SLC36A4: variants seen among roughly 807,000 people sequenced by gnomAD.
The protein encoded by SLC36A4 is neutral amino acid uniporter 4.
In SLC36A4, 49 loss-of-function variants were observed where a neutral mutation model predicts 50.5. That is an observed-to-expected ratio of 0.97 (90% CI 0.77 to 1.23). The LOEUF is 1.23. SLC36A4 is among the 50% of genes most tolerant of loss of function. The pLI is 0.00. For synonymous variants in SLC36A4, 207 were observed against 206.5 expected, an observed-to-expected ratio of 1.00 and a Z score of -0.02; for missense variants, 611 against 608.4, an observed-to-expected ratio of 1.00 and a Z score of -0.05.
At chr11:93,173,605 T>C (rs1382845740) in intron 6 of SLC36A4, among the ~76,000 whole-genome samples, 1 of 46,756 alleles carries the variant, frequency 2.1e-5, no homozygotes, top group East Asian at 7.5e-4. Flanking sequence ...CTTTAATCCA[T>C]CTTGAATTGA....
chr11:93,180,304 C>A, intron 6 of SLC36A4: 1 of 985,248 alleles, frequency 1.0e-6, no homozygotes, highest in Non-Finnish European at 1.2e-6. Flanking sequence ...TTAAAGCAAA[C>A]CTTCATAATA....
At chr11:93,193,077 G>T in intron 1 of SLC36A4, 1 of 795,780 alleles carries the variant, frequency 1.3e-6, no homozygotes, top group Non-Finnish European at 1.5e-6. Flanking sequence ...CCATATATTA[G>T]AAGCATATTA....
At chr11:93,182,259 A>G (rs927433663) in intron 4 of SLC36A4, 2 of 868,052 alleles carry the variant, frequency 2.3e-6, no homozygotes, top group Non-Finnish European at 2.8e-6. Flanking sequence ...TCCCAAGTAT[A>G]CATTGTTCTA....
chr11:93,150,871 C>T lies in SLC36A4; in HGVS notation c.1208-2027G>A, dbSNP rs116914492. 5.1e-3 allele frequency among the ~76,000 whole-genome samples: 770 copies of T among 152,030 alleles called. 3 individuals are homozygous for T. Among genetic ancestry groups the T allele is most frequent in the Non-Finnish European group, 8.5e-3 (579 of 67,922 alleles). ...CAGACAAATATGACCAGAATCTTGC[C>T]ACCTGAAGAGGCTTTCAATTTGGAA... On this transcript the variant is annotated intron_variant, in intron 10 of 10. Coordinates refer to ENST00000326402, the MANE Select transcript of SLC36A4 (RefSeq NM_152313.4).
At position 93,148,501 on chromosome 11, in the gene SLC36A4, TG is replaced by T. The variant is rs565897169; in HGVS notation, c.*35del. On this transcript the variant is annotated 3_prime_UTR_variant, in exon 11 of 11. Transcript: ENST00000326402. ...TAGTTATCTTGATAATTTTCAGAAATGGGACAAAAATAGAAGACTCATGATT... is the reference window on the plus strand; with the variant it reads ...TAGTTATCTTGATAATTTTCAGAAATGGACAAAAATAGAAGACTCATGATT... 1,167 of 1,556,384 alleles carry T rather than the reference TG, an allele frequency of 7.5e-4. 10 individuals carry two copies. The African/African-American group carries it at 0.014, about 19-fold the overall frequency.
chr11:93,177,391 G>A (rs1183157333), intron 6 of SLC36A4, among the ~76,000 whole-genome samples: 3 of 152,096 alleles, frequency 2.0e-5, no homozygotes, highest in Non-Finnish European at 2.9e-5. Context: ...CGAAGGGTTC[G>A]AACATCCTCC....
At chr11:93,171,664 T>C (rs1861140084) in intron 6 of SLC36A4, 1 of 152,060 alleles carries the variant, frequency 6.6e-6, no homozygotes, top group Non-Finnish European at 1.5e-5. Flanking sequence ...GGTATTCAAA[T>C]AGATACAGTA....
intron 1 of SLC36A4, among the ~76,000 whole-genome samples, chr11:93,190,872 C>T (rs2134711108): frequency 6.6e-6 from 1 of 152,240 alleles, no homozygotes; most frequent in South Asian, 2.1e-4. Flanking sequence ...CTAAGACTTT[C>T]CCTCCAGTTT....
At chr11:93,189,467 T>C (rs1327846803) in intron 1 of SLC36A4, among the ~76,000 whole-genome samples, 1 of 152,184 alleles carries the variant, frequency 6.6e-6, no homozygotes, top group Non-Finnish European at 1.5e-5. Flanking sequence ...GGGGACTATT[T>C]AATCCATAAC....
At chr11:93,177,739 G>A (rs10831000) in intron 6 of SLC36A4, among the ~76,000 whole-genome samples, 26,929 of 152,032 alleles carry the variant, frequency 0.18, 2,852 homozygotes, top group East Asian at 0.42. Context: ...TGGAAGCTTC[G>A]TCTCAGAGGG....
In SLC36A4 at chr11:93,147,889, T is replaced by C. The variant is rs888656915; in HGVS notation, c.*648A>G. On this transcript the variant is annotated 3_prime_UTR_variant, in exon 11 of 11. Coordinates refer to ENST00000326402, the MANE Select transcript of SLC36A4 (RefSeq NM_152313.4). ...TTTTAAAGTCCCTTTTCAAATTTCA[T>C]TGAAACACTAAGTCATGATCTTGAA... 1.8e-4 allele frequency: 27 copies of C among 152,114 alleles called. No homozygotes were observed. Among genetic ancestry groups the C allele is most frequent in the African/African-American group, 6.3e-4 (26 of 41,446 alleles). The allele number at this position is 152,114 out of a possible 1,614,324, so 9.4% of individuals were successfully genotyped here. A position where few individuals can be genotyped will look rare whatever the true frequency, so the allele number is the denominator to read the frequency against.
intron 6 of SLC36A4, among the ~76,000 whole-genome samples, chr11:93,169,175 G>A (rs535935838): frequency 2.4e-4 from 36 of 152,120 alleles, no homozygotes; most frequent in Admixed American, 2.2e-3. Flanking sequence ...TTTGTATCAG[G>A]TACTGAACTA....
rs949249657 is a variant in SLC36A4, at chr11:93,144,863, T to C, written c.*3674A>G. On this transcript the variant is annotated 3_prime_UTR_variant, in exon 11 of 11. Coordinates refer to ENST00000326402, the MANE Select transcript of SLC36A4 (RefSeq NM_152313.4). ...AAGATCAGACTCATTTTTTAAAAAGTCATTATTGTATATTATCGATGTTCT... is the reference window on the plus strand; with the variant it reads ...AAGATCAGACTCATTTTTTAAAAAGCCATTATTGTATATTATCGATGTTCT... 6.6e-6 allele frequency: 1 copy of C among 152,076 alleles called. No individual in the cohort carries two copies. Among genetic ancestry groups the C allele is most frequent in the African/African-American group, 2.4e-5 (1 of 41,450 alleles). 9.4% of individuals were successfully genotyped at this position (152,076 alleles called of 1,614,324 possible).
chr11:93,148,681 T>G lies in SLC36A4; in HGVS notation c.1371A>C (p.Ala457=), dbSNP rs201138704. ...ATAAGAAGCCAACAACTCCAGTGAA[T>G]GCTATAGAAATATTTTTCAGGACCA... ...IWMVLKNISI[A]FTGVVGFLLG... The change falls in exon 11 of 11, where the codon GCA becomes GCC. Residue 457 remains alanine (A), a synonymous_variant. Transcript: ENST00000326402. The G allele has an allele frequency of 1.2e-6, 2 of 1,612,888 alleles. No homozygotes were observed. Among genetic ancestry groups the G allele is most frequent in the South Asian group, 1.1e-5 (1 of 91,062 alleles).
At chr11:93,180,990 C>A (rs1327353082) in intron 5 of SLC36A4, 109 bp from the exon 6 acceptor site, 1 of 768,944 alleles carries the variant, frequency 1.3e-6, no homozygotes, top group Non-Finnish European at 2.2e-6. Context: ...CATATATTCT[C>A]CTACTCAGTA....
chr11:93,197,991 C>T lies in SLC36A4; in HGVS notation c.-159G>A. On this transcript the variant is annotated 5_prime_UTR_variant, in exon 1 of 11. Coordinates refer to ENST00000326402, the MANE Select transcript of SLC36A4 (RefSeq NM_152313.4). ...CCCCAACCGCGCGGCGAGGAGCATG[C>T]GCAGTGGGACAGCCCGGCTCGGCGG... 1.5e-6 allele frequency: 1 copy of T among 679,776 alleles called. No individual in the cohort carries two copies. The highest frequency in any genetic ancestry group is 3.5e-5 in the East Asian group (1 of 28,360). 42.1% of individuals were successfully genotyped at this position (679,776 alleles called of 1,614,324 possible).
intron 8 of SLC36A4, among the ~76,000 whole-genome samples, chr11:93,164,481 A>G (rs1860773897): frequency 6.6e-6 from 1 of 152,208 alleles, no homozygotes. Context: ...CTTTGCATGC[A>G]GCATTTTATG....
intron 9 of SLC36A4, chr11:93,160,839 T>C (rs967439929): frequency 3.3e-5 from 25 of 768,022 alleles, no homozygotes; most frequent in African/African-American, 2.1e-4. Context: ...CAAAATATTA[T>C]TGTTATTATT....
intron 7 of SLC36A4, chr11:93,166,428 T>G (rs1382927363): frequency 2.0e-6 from 2 of 989,172 alleles, no homozygotes; most frequent in Non-Finnish European, 2.4e-6. Flanking sequence ...CTATTTTTAT[T>G]GCTCTTTCAG....
Sources: allele counts gnomAD v4.1 joint callset (sites outside exome capture counted in the v4.1 genomes callset), GRCh38; gene constraint gnomAD v4.1.1; transcripts MANE v1.5; gene names NCBI Gene and HGNC (gene_info 2026-07-23, HGNC 2026-07-21).